Variants in AGBL1 observed in about 807,000 individuals in gnomAD.
The protein encoded by AGBL1 is AGBL carboxypeptidase 1.
AGBL1 carries 130 observed loss-of-function variants against 118.9 expected under a neutral mutation model. That is an observed-to-expected ratio of 1.09 (90% CI 0.95 to 1.26). The LOEUF is 1.26. AGBL1 is among the 50% of genes most tolerant of loss of function. The pLI is 0.00. For synonymous variants in AGBL1, 555 were observed against 478.9 expected (o/e 1.16, Z -2.08); for missense variants, 1,584 against 1,298.1 (o/e 1.22, Z -3.38).
At chr15:86,518,904 T>C (rs996253159) in intron 18 of AGBL1, among the ~76,000 whole-genome samples, 1 of 151,238 alleles carries the variant, frequency 6.6e-6, no homozygotes, top group Non-Finnish European at 1.5e-5. Context: ...CTAGACAAAC[T>C]GGATATCTGA....
At chr15:86,619,305 A>G (rs1052048228) in intron 21 of AGBL1, among the ~76,000 whole-genome samples, 4 of 152,178 alleles carry the variant, frequency 2.6e-5, no homozygotes, top group African/African-American at 9.7e-5. Flanking sequence ...TGTGTGGCCT[A>G]AGGTCAAAGA....
At chr15:86,269,271 G>T (rs1470308505) in intron 13 of AGBL1, among the ~76,000 whole-genome samples, 1 of 152,152 alleles carries the variant, frequency 6.6e-6, no homozygotes, top group African/African-American at 2.4e-5. Context: ...TTTGCTGGGG[G>T]ATGTATATTT....
chr15:86,428,746 T>G (rs539881640), intron 18 of AGBL1, among the ~76,000 whole-genome samples: 1 of 152,366 alleles, frequency 6.6e-6, no homozygotes, highest in Non-Finnish European at 1.5e-5. Flanking sequence ...AATTGTACCT[T>G]GGATTTCTAC....
chr15:86,931,807 A>G (rs72754069), intron 23 of AGBL1, among the ~76,000 whole-genome samples: 5,956 of 152,276 alleles, frequency 0.039, 159 homozygotes, highest in Middle Eastern at 0.071. Flanking sequence ...CCCTGAAGGC[A>G]TCATGGTTGC....
intron 1 of AGBL1, among the ~76,000 whole-genome samples, chr15:86,091,846 A>T (rs1449765943): frequency 6.6e-6 from 1 of 152,160 alleles, no homozygotes; most frequent in Non-Finnish European, 1.5e-5. Flanking sequence ...CTATGTCCAT[A>T]TCCCAACTTG....
intron 22 of AGBL1, among the ~76,000 whole-genome samples, chr15:86,715,807 C>T (rs2086629028): frequency 6.6e-6 from 1 of 151,936 alleles, no homozygotes; most frequent in Non-Finnish European, 1.5e-5. Context: ...ACCTGTAATC[C>T]CAGCACTTTG....
At chr15:86,605,141 AT>A (rs1287497145) in intron 21 of AGBL1, among the ~76,000 whole-genome samples, 4 of 151,544 alleles carry the variant, frequency 2.6e-5, no homozygotes, top group Admixed American at 6.6e-5. Context: ...CATGAAGAAT[AT>A]TTTTTTTAAA....
At chr15:86,290,716 T>A (rs1477326708) in intron 16 of AGBL1, among the ~76,000 whole-genome samples, 1 of 151,816 alleles carries the variant, frequency 6.6e-6, no homozygotes, top group African/African-American at 2.4e-5. Context: ...ATACTTTAAG[T>A]TTTAGGGTAC....
At chr15:86,808,160 A>G (rs1377654788) in intron 22 of AGBL1, among the ~76,000 whole-genome samples, 1 of 152,158 alleles carries the variant, frequency 6.6e-6, no homozygotes, top group Non-Finnish European at 1.5e-5. Flanking sequence ...TAAATCTTAT[A>G]CAGAATGACC....
Position 86,813,150 on chromosome 15 carries a change from C to A in AGBL1, c.3159-93937C>A, listed in dbSNP as rs192583246. Among the ~76,000 whole-genome samples the A allele has an allele frequency of 2.0e-5, 3 of 152,026 alleles. No homozygotes were observed. The East Asian group carries it at 5.9e-4, about 30-fold the overall frequency. On this transcript the variant is annotated intron_variant, in intron 22 of 22. Coordinates refer to ENST00000614907, the MANE Select transcript of AGBL1 (RefSeq NM_001386094.1). ...CAAGGAGTCATGAAACAGCCTCGAACACATGGGACCTTCAGGCTGATGGGA... is the reference window on the plus strand; with the variant it reads ...CAAGGAGTCATGAAACAGCCTCGAAAACATGGGACCTTCAGGCTGATGGGA...
chr15:86,873,853 C>A (rs2079765401), intron 22 of AGBL1, among the ~76,000 whole-genome samples: 1 of 152,044 alleles, frequency 6.6e-6, no homozygotes, highest in Admixed American at 6.6e-5. Context: ...TTGCCTTCAG[C>A]ATAATAGAAA....
At chr15:87,005,372 G>A (rs1596731839) in intron 24 of AGBL1, among the ~76,000 whole-genome samples, 1 of 152,102 alleles carries the variant, frequency 6.6e-6, no homozygotes, top group Non-Finnish European at 1.5e-5. Flanking sequence ...CATATTTCTT[G>A]GAGGCTTTGT....
At chr15:86,753,087 T>C (rs1180438453) in intron 22 of AGBL1, among the ~76,000 whole-genome samples, 3 of 152,136 alleles carry the variant, frequency 2.0e-5, no homozygotes, top group Non-Finnish European at 2.9e-5. Flanking sequence ...TTCTGTAAAT[T>C]TGTTACCCTT....
intron 18 of AGBL1, among the ~76,000 whole-genome samples, chr15:86,425,834 A>T (rs1216687305): frequency 6.6e-6 from 1 of 152,164 alleles, no homozygotes; most frequent in Non-Finnish European, 1.5e-5. Flanking sequence ...TTCTAAAAGT[A>T]GGCAACTCTA....
At chr15:86,728,804 C>T (rs1368263119) in intron 22 of AGBL1, among the ~76,000 whole-genome samples, 1 of 151,958 alleles carries the variant, frequency 6.6e-6, no homozygotes, top group African/African-American at 2.4e-5. Context: ...CCTCTGGTTT[C>T]ACTGTGTTAA....
At chr15:86,846,082 A>T (rs527632102) in intron 22 of AGBL1, among the ~76,000 whole-genome samples, 1 of 152,318 alleles carries the variant, frequency 6.6e-6, no homozygotes, top group East Asian at 1.9e-4. Context: ...TTGGATGACA[A>T]TTACACATAT....
rs1398397798 is a variant in AGBL1, at chr15:86,961,677, G to T, written c.3222-26310G>T. ...CCAAAACTCAGGACCTCGATCCTCT[G>T]TATCTCCCATGTTCTGTGGGTCAGG... On this transcript the variant is annotated intron_variant, in intron 23 of 24. Transcript: ENST00000441037. Among the ~76,000 whole-genome samples the T allele has an allele frequency of 7.9e-5, 12 of 152,004 alleles. 1 individual carries two copies. The East Asian group carries it at 2.1e-3, about 27-fold the overall frequency.
At chr15:86,304,127 A>G (rs2079799103) in intron 17 of AGBL1, among the ~76,000 whole-genome samples, 1 of 152,140 alleles carries the variant, frequency 6.6e-6, no homozygotes, top group Admixed American at 6.6e-5. Context: ...GGCTCCTCCA[A>G]TGGTCATTTA....
Position 86,480,789 on chromosome 15 carries a change from T to C in AGBL1, c.2556-42021T>C, listed in dbSNP as rs77093377. Among the ~76,000 whole-genome samples the C allele has an allele frequency of 4.5e-3, 686 of 151,834 alleles. 3 individuals are homozygous for C. The highest frequency in any genetic ancestry group is 0.016 in the African/African-American group (645 of 41,446). On this transcript the variant is annotated intron_variant, in intron 18 of 22. Transcript: ENST00000614907. The stretch of plus-strand genomic sequence containing the variant: ...TGAGGCTAGGCAGGATTTTAAGAGA[T>C]GGAGATTATAAGGCCATAGGAACAG...
Sources: gnomAD v4.1 joint callset for allele counts (sites outside exome capture counted in the v4.1 genomes callset) on GRCh38, gnomAD v4.1.1 for gene constraint, MANE v1.5 for transcripts, NCBI Gene and HGNC (gene_info 2026-07-23, HGNC 2026-07-21) for gene names.